AKT3: variants seen among roughly 807,000 people sequenced by gnomAD.
AKT3 encodes AKT serine/threonine kinase 3.
A neutral mutation model predicts 65.3 loss-of-function variants in AKT3; 15 were observed. That is an observed-to-expected ratio of 0.23 (90% CI 0.15 to 0.35). The LOEUF is 0.35. Among genes scored for constraint, AKT3 ranks in the 10% least tolerant of loss-of-function variants. The pLI is 1.00. For synonymous variants in AKT3, 206 were observed against 183.8 expected (o/e 1.12, Z -0.98); for missense variants, 243 against 576.5 (o/e 0.42, Z 5.92).
rs1427210114 is a variant in AKT3 at position 243,609,125 on chromosome 1, A to AC, written c.696+4545_696+4546insG. On this transcript the variant is annotated intron_variant, in intron 8 of 13. Transcript: ENST00000673466. ...TGAACCCAAAGCAAAACCAAAATTA[A>AC]ACAAGTTGCCACAAGGATAAACACA... Among the ~76,000 whole-genome samples, 4 of 151,962 alleles carry AC rather than the reference A, an allele frequency of 2.6e-5. No individual in the cohort carries two copies. The East Asian group carries it at 7.7e-4, about 29-fold the overall frequency.
At chr1:243,598,143 A>G (rs1676754529) in intron 8 of AKT3, among the ~76,000 whole-genome samples, 1 of 152,188 alleles carries the variant, frequency 6.6e-6, no homozygotes, top group Admixed American at 6.5e-5. Flanking sequence ...AGTATATGAC[A>G]CATATTATAT....
chr1:243,632,447 C>T (rs1372119789), intron 6 of AKT3, among the ~76,000 whole-genome samples: 1 of 152,174 alleles, frequency 6.6e-6, no homozygotes, highest in Non-Finnish European at 1.5e-5. Flanking sequence ...GTAAAACATA[C>T]TGTAAGCAGA....
chr1:243,735,921 A>G (rs1687820210), intron 2 of AKT3, among the ~76,000 whole-genome samples: 1 of 152,234 alleles, frequency 6.6e-6, no homozygotes, highest in Non-Finnish European at 1.5e-5. Flanking sequence ...TCCTTGTGCT[A>G]GTGCTAAACA....
In AKT3 at chr1:243,574,013, G is replaced by A. The variant is rs940147555; in HGVS notation, c.697-965C>T. 7.9e-5 allele frequency among the ~76,000 whole-genome samples: 12 copies of A among 152,056 alleles called. 1 individual carries two copies. The highest frequency in any genetic ancestry group is 2.9e-4 in the African/African-American group (12 of 41,412). The stretch of plus-strand genomic sequence containing the variant: ...GATTGTTTACAGTGCTGAGTATATT[G>A]CCAGGTATCATGGTTATTAATAGAT... On this transcript the variant is annotated intron_variant, in intron 8 of 13. Transcript: ENST00000673466.
At position 243,685,915 on chromosome 1, in the gene AKT3, T is replaced by C. The variant is rs539633994; in HGVS notation, c.172+9676A>G. ...AAGCAACTTCAGTAAAGTCTCAGGA[T>C]ACAAAATCAATGTGCAAAAATCACA... On this transcript the variant is annotated intron_variant, in intron 3 of 13. Transcript: ENST00000673466. Among the ~76,000 whole-genome samples the C allele has an allele frequency of 2.0e-5, 3 of 152,284 alleles. No homozygotes were observed. The South Asian group carries it at 6.2e-4, about 32-fold the overall frequency.
intron 2 of AKT3, among the ~76,000 whole-genome samples, chr1:243,789,336 G>A (rs189167892): frequency 2.0e-5 from 3 of 152,318 alleles, no homozygotes; most frequent in Non-Finnish European, 4.4e-5. Flanking sequence ...CAGTGAGCTA[G>A]GATCGTGCCA....
At chr1:243,776,060 A>G (rs567592463) in intron 2 of AKT3, among the ~76,000 whole-genome samples, 1 of 152,314 alleles carries the variant, frequency 6.6e-6, no homozygotes, top group African/African-American at 2.4e-5. Context: ...ACAGTGAAGG[A>G]AGCATCTCTC....
At chr1:243,766,823 T>C (rs940339963) in intron 2 of AKT3, among the ~76,000 whole-genome samples, 7 of 152,182 alleles carry the variant, frequency 4.6e-5, no homozygotes, top group Non-Finnish European at 7.4e-5. Flanking sequence ...TAGAAGATAA[T>C]AGCACGTGCA....
At chr1:243,714,766 A>C (rs1008889032) in intron 2 of AKT3, among the ~76,000 whole-genome samples, 2 of 152,180 alleles carry the variant, frequency 1.3e-5, no homozygotes, top group Non-Finnish European at 2.9e-5. Flanking sequence ...AATTCTATAA[A>C]AATCTACTAT....
chr1:243,488,598 C>A, intron 13 of AKT3: 1 of 248,532 alleles, frequency 4.0e-6, no homozygotes, highest in African/African-American at 2.2e-5. Flanking sequence ...TAATGGAAAA[C>A]CCTTACTTCA....
At chr1:243,580,325 C>T (rs1295990555) in intron 8 of AKT3, among the ~76,000 whole-genome samples, 3 of 152,146 alleles carry the variant, frequency 2.0e-5, no homozygotes, top group Non-Finnish European at 4.4e-5. Flanking sequence ...GCAACCTAGG[C>T]CAAGGGAGAG....
rs78645821 is a variant in AKT3, at chr1:243,562,318, G to A, written c.948+1402C>T. ...AAGCAGATCAGTGGTTGCCTGTGGC[G>A]GAAGGAAGAATGAGGAGCTAACGGG... On this transcript the variant is annotated intron_variant, in intron 10 of 13. Coordinates refer to ENST00000673466, the MANE Select transcript of AKT3 (RefSeq NM_005465.7). Among the ~76,000 whole-genome samples the A allele has an allele frequency of 4.8e-3, 730 of 152,222 alleles. 8 individuals carry two copies. The highest frequency in any genetic ancestry group is 0.017 in the African/African-American group (686 of 41,544).
At chr1:243,630,109 A>G (rs1287429216) in intron 6 of AKT3, among the ~76,000 whole-genome samples, 2 of 152,226 alleles carry the variant, frequency 1.3e-5, no homozygotes, top group South Asian at 2.1e-4. Context: ...TAGATACAAA[A>G]GCTCAAAATA....
intron 2 of AKT3, among the ~76,000 whole-genome samples, chr1:243,817,892 G>T (rs1693623529): frequency 6.6e-6 from 1 of 152,120 alleles, no homozygotes; most frequent in Non-Finnish European, 1.5e-5. Flanking sequence ...ATTAACTCAG[G>T]CATGGAAGAT....
chr1:243,768,078 C>G (rs1031322805), intron 2 of AKT3, among the ~76,000 whole-genome samples: 1 of 151,092 alleles, frequency 6.6e-6, no homozygotes, highest in East Asian at 1.9e-4. Flanking sequence ...ATGCCATAAA[C>G]TATAATTTAA....
intron 4 of AKT3, among the ~76,000 whole-genome samples, chr1:243,663,249 C>G (rs993575189): frequency 6.6e-6 from 1 of 152,190 alleles, no homozygotes; most frequent in Admixed American, 6.5e-5. Flanking sequence ...AAGTACCTAG[C>G]AGGGGAACCT....
intron 3 of AKT3, among the ~76,000 whole-genome samples, chr1:243,685,608 A>T (rs1238748829): frequency 6.6e-6 from 1 of 152,142 alleles, no homozygotes; most frequent in Non-Finnish European, 1.5e-5. Flanking sequence ...GAAGTCAGGT[A>T]GCGTGATGCC....
intron 8 of AKT3, among the ~76,000 whole-genome samples, chr1:243,574,280 TATAAG>T (rs1453449453): frequency 6.6e-6 from 1 of 151,184 alleles, no homozygotes; most frequent in Non-Finnish European, 1.5e-5. Context: ...AACAGCATAT[TATAAG>T]ATAAGCTTTA....
At chr1:243,694,513 T>C (rs1472382739) in intron 3 of AKT3, among the ~76,000 whole-genome samples, 2 of 151,824 alleles carry the variant, frequency 1.3e-5, no homozygotes, top group Non-Finnish European at 2.9e-5. Context: ...AATCCACTAA[T>C]ATAAACAGAG....
Sources: gnomAD v4.1 joint callset for allele counts (sites outside exome capture counted in the v4.1 genomes callset) on GRCh38, gnomAD v4.1.1 for gene constraint, MANE v1.5 for transcripts, NCBI Gene and HGNC (gene_info 2026-07-23, HGNC 2026-07-21) for gene names.